CTNNA3: variants seen among roughly 807,000 people sequenced by gnomAD.
CTNNA3 encodes catenin alpha 3, also known as catenin alpha-3.
In CTNNA3, 76 loss-of-function variants were observed where a neutral mutation model predicts 95.7. The observed-to-expected ratio is 0.79, with a 90% confidence interval of 0.66 to 0.96. CTNNA3 has a LOEUF of 0.96. Among genes scored for constraint, CTNNA3 ranks in the 40% least tolerant of loss-of-function variants. The probability of loss-of-function intolerance (pLI) is 0.00; values close to 1 mark genes in which losing one functional copy is unlikely to be tolerated. For missense variants in CTNNA3, 1,191 were observed against 1,089.8 expected (o/e 1.09, Z -1.31); for synonymous variants, 431 against 374.4 (o/e 1.15, Z -1.74).
At chr10:67,626,819 CATG>C (rs1243644970) in intron 2 of CTNNA3, among the ~76,000 whole-genome samples, 1 of 152,138 alleles carries the variant, frequency 6.6e-6, no homozygotes, top group Non-Finnish European at 1.5e-5. Flanking sequence ...ATATTATCTA[CATG>C]ATATCAAATT....
intron 1 of CTNNA3, among the ~76,000 whole-genome samples, chr10:67,708,723 G>A (rs1488918455): frequency 6.6e-6 from 1 of 152,092 alleles, no homozygotes; most frequent in Non-Finnish European, 1.5e-5. Context: ...TAAATGTCAT[G>A]AAGGAAATAA....
intron 3 of CTNNA3, among the ~76,000 whole-genome samples, chr10:67,604,728 A>T (rs1843207919): frequency 6.6e-6 from 1 of 152,336 alleles, no homozygotes; most frequent in South Asian, 2.1e-4. Context: ...AAGTTCATTG[A>T]ACTTAGACAT....
chr10:66,843,145 A>G (rs1030662231), intron 7 of CTNNA3, among the ~76,000 whole-genome samples: 1 of 152,162 alleles, frequency 6.6e-6, no homozygotes, highest in Non-Finnish European at 1.5e-5. Flanking sequence ...AGCAAGGAAT[A>G]CAATACAGTA....
At chr10:65,962,556 C>G (rs1181116722) in intron 17 of CTNNA3, among the ~76,000 whole-genome samples, 3 of 151,834 alleles carry the variant, frequency 2.0e-5, no homozygotes, top group African/African-American at 4.8e-5. Flanking sequence ...CTCTCTTAGA[C>G]TAATTTTTTT....
intron 15 of CTNNA3, among the ~76,000 whole-genome samples, chr10:66,003,671 T>C (rs1589237151): frequency 6.6e-6 from 1 of 152,198 alleles, no homozygotes. Flanking sequence ...TTTTTGTCTT[T>C]AGTAAAACAG....
At chr10:66,959,420 AG>A (rs2132763802) in intron 7 of CTNNA3, among the ~76,000 whole-genome samples, 1 of 152,294 alleles carries the variant, frequency 6.6e-6, no homozygotes, top group South Asian at 2.1e-4. Context: ...TATTTTATGA[AG>A]AGGAGTCAGG....
At chr10:66,830,576 C>T (rs957651078) in intron 7 of CTNNA3, among the ~76,000 whole-genome samples, 1 of 151,514 alleles carries the variant, frequency 6.6e-6, no homozygotes, top group Non-Finnish European at 1.5e-5. Context: ...TTCTAAACAC[C>T]TCAACCCCTC....
intron 1 of CTNNA3, among the ~76,000 whole-genome samples, chr10:67,710,740 G>T (rs1479953313): frequency 6.6e-6 from 1 of 152,204 alleles, no homozygotes; most frequent in Non-Finnish European, 1.5e-5. Flanking sequence ...TTTGTGGAAA[G>T]TCTGGTTAAA....
intron 12 of CTNNA3, among the ~76,000 whole-genome samples, chr10:66,280,964 C>A (rs1206364628): frequency 6.6e-6 from 1 of 151,372 alleles, no homozygotes; most frequent in Non-Finnish European, 1.5e-5. Context: ...TCATCCTATT[C>A]AATATAAACC....
At chr10:67,229,435 C>G (rs1329089812) in intron 5 of CTNNA3, among the ~76,000 whole-genome samples, 1 of 152,118 alleles carries the variant, frequency 6.6e-6, no homozygotes, top group Non-Finnish European at 1.5e-5. Context: ...TCTCACCACT[C>G]CTCTGCAACA....
chr10:66,955,483 T>A (rs1848738767), intron 7 of CTNNA3, among the ~76,000 whole-genome samples: 2 of 152,136 alleles, frequency 1.3e-5, no homozygotes, highest in South Asian at 4.1e-4. Context: ...ACAGTATGCA[T>A]CTAAGAAGTC....
At position 66,785,292 on chromosome 10, in the gene CTNNA3, A is replaced by G. The variant is rs181992133; in HGVS notation, c.1048-9768T>C. On this transcript the variant is annotated intron_variant, in intron 7 of 17. Coordinates refer to ENST00000433211, the MANE Select transcript of CTNNA3 (RefSeq NM_013266.4). ...CATCAACTTGATTGGGTTAAAAGAT[A>G]CCTAGGTAACTGGTAAAACATTATT... Among the ~76,000 whole-genome samples, 10 of 152,324 alleles carry G rather than the reference A, an allele frequency of 6.6e-5. No homozygotes were observed. In the East Asian group the frequency reaches 1.9e-3, roughly 29 times the overall value.
chr10:67,345,342 A>G (rs1842369875), intron 5 of CTNNA3, among the ~76,000 whole-genome samples: 1 of 152,170 alleles, frequency 6.6e-6, no homozygotes, highest in African/African-American at 2.4e-5. Context: ...AATATCTACT[A>G]GATCCATTTG....
chr10:65,976,295 G>T (rs529116334), intron 16 of CTNNA3, among the ~76,000 whole-genome samples: 1 of 152,162 alleles, frequency 6.6e-6, no homozygotes, highest in South Asian at 2.1e-4. Context: ...GTTCCTTGAA[G>T]ACCAGCACCA....
At chr10:67,562,995 C>T (rs1294874581) in intron 3 of CTNNA3, among the ~76,000 whole-genome samples, 1 of 151,966 alleles carries the variant, frequency 6.6e-6, no homozygotes, top group African/African-American at 2.4e-5. Context: ...AAAGAGGATA[C>T]AAACAAATGG....
chr10:66,441,359 A>T (rs2093374390), intron 11 of CTNNA3, among the ~76,000 whole-genome samples: 1 of 152,242 alleles, frequency 6.6e-6, no homozygotes, highest in South Asian at 2.1e-4. Context: ...AATAATGCTT[A>T]AATTGAAATA....
intron 7 of CTNNA3, among the ~76,000 whole-genome samples, chr10:66,792,798 A>G (rs754777114): frequency 1.1e-4 from 16 of 152,186 alleles, no homozygotes; most frequent in Non-Finnish European, 2.1e-4. Context: ...GTATTCTAAA[A>G]CAAACTTCTA....
chr10:67,099,888 G>A (rs1203405603), intron 7 of CTNNA3: 4 of 151,314 alleles, frequency 2.6e-5, no homozygotes, highest in South Asian at 2.1e-4. Flanking sequence ...TTGGCTTTAC[G>A]TCGTTAGCAA....
At chr10:67,693,515 A>C (rs769336409) in intron 1 of CTNNA3, among the ~76,000 whole-genome samples, 14 of 152,212 alleles carry the variant, frequency 9.2e-5, no homozygotes, top group Non-Finnish European at 1.6e-4. Flanking sequence ...TCCAAAAAAA[A>C]TAGAAACATG....
Sources: gnomAD v4.1 joint callset for allele counts (sites outside exome capture counted in the v4.1 genomes callset) on GRCh38, gnomAD v4.1.1 for gene constraint, MANE v1.5 for transcripts, NCBI Gene and HGNC (gene_info 2026-07-23, HGNC 2026-07-21) for gene names.